ITK: variants seen among roughly 807,000 people sequenced by gnomAD.
The protein encoded by ITK is IL2 inducible T cell kinase.
In ITK, 45 loss-of-function variants were observed where a neutral mutation model predicts 87.6. The ratio of observed to expected loss-of-function variants is 0.51; its 90% CI spans 0.40 to 0.66. The LOEUF (loss-of-function observed/expected upper bound fraction) is 0.66. Among genes scored for constraint, ITK ranks in the 30% least tolerant of loss-of-function variants. ITK has a pLI of 0.00. For synonymous variants in ITK, 303 were observed against 273.6 expected (o/e 1.11, Z -1.06); for missense variants, 605 against 766.3 (o/e 0.79, Z 2.48).
chr5:157,214,363 A>G, intron 4 of ITK, 44 bp downstream of exon 4: 3 of 1,552,394 alleles, frequency 1.9e-6, no homozygotes, highest in Non-Finnish European at 2.7e-6. Context: ...AAATGACCAT[A>G]AAAAAGTAAA....
chr5:157,229,085 A>G (rs531841986), intron 7 of ITK, among the ~76,000 whole-genome samples: 2 of 152,344 alleles, frequency 1.3e-5, no homozygotes, highest in Admixed American at 1.3e-4. Flanking sequence ...TAATAAATAG[A>G]TAGACTGATA....
At chr5:157,208,668 G>A (rs1754127036) in intron 1 of ITK, among the ~76,000 whole-genome samples, 1 of 152,130 alleles carries the variant, frequency 6.6e-6, no homozygotes, top group South Asian at 2.1e-4. Context: ...GTGGAAACCT[G>A]TCACCAAGAA....
At chr5:157,188,517 C>T (rs1399341761) in intron 1 of ITK, among the ~76,000 whole-genome samples, 1 of 152,172 alleles carries the variant, frequency 6.6e-6, no homozygotes, top group Non-Finnish European at 1.5e-5. Flanking sequence ...TAGGGTGAGA[C>T]AAGTGAGACA....
At chr5:157,233,438 T>A (rs1018790630) in intron 8 of ITK, among the ~76,000 whole-genome samples, 1 of 152,228 alleles carries the variant, frequency 6.6e-6, no homozygotes, top group Non-Finnish European at 1.5e-5. Context: ...AACTCTGGTC[T>A]CTCCTTGGCT....
At chr5:157,198,206 C>T (rs1753889783) in intron 1 of ITK, among the ~76,000 whole-genome samples, 1 of 152,056 alleles carries the variant, frequency 6.6e-6, no homozygotes, top group Non-Finnish European at 1.5e-5. Context: ...GGTATCTGCT[C>T]TTCATAGTTT....
chr5:157,244,078 T>C (rs1160630406), intron 12 of ITK, 184 bp from the exon 13 acceptor site: 1 of 694,818 alleles, frequency 1.4e-6, no homozygotes, highest in African/African-American at 1.8e-5. Flanking sequence ...CACAGCTGAC[T>C]CCTTGCCATT....
intron 5 of ITK, among the ~76,000 whole-genome samples, chr5:157,220,066 G>C (rs1022465252): frequency 6.6e-6 from 1 of 152,186 alleles, no homozygotes; most frequent in Non-Finnish European, 1.5e-5. Context: ...TCACCTTCTT[G>C]TTCTGCTGCC....
rs1254827359 is a variant in ITK at position 157,222,885 on chromosome 5, A to G, written c.518A>G (p.Glu173Gly). Reference sequence around the variant, plus strand: ...CAGCGACCACTTTGGGAACCTGAAGAAACTGTGGTCATTGCCTTATATGAC... The same window carrying G: ...CAGCGACCACTTTGGGAACCTGAAGGAACTGTGGTCATTGCCTTATATGAC... ...DNRRPLWEPE[E>G]TVVIALYDYQ... The change falls in exon 6 of 17, where the codon GAA becomes GGA. Residue 173 changes from glutamate (E) to glycine (G), a missense_variant. Physicochemically the swap from Glu to Gly is moderately conservative, Grantham distance 98 (BLOSUM62 -2). This residue lies in a region of ITK where 464 missense variants were observed against 578.0 expected (regional missense o/e 0.80). Coordinates refer to ENST00000422843, the MANE Select transcript of ITK (RefSeq NM_005546.4). 1 of 1,613,990 alleles carries G rather than the reference A, an allele frequency of 6.2e-7. No individual in the cohort carries two copies. The highest frequency in any genetic ancestry group is 2.2e-5 in the East Asian group (1 of 44,854).
intron 1 of ITK, among the ~76,000 whole-genome samples, chr5:157,201,314 T>TTTC (rs1753968866): frequency 6.6e-6 from 1 of 150,442 alleles, no homozygotes; most frequent in African/African-American, 2.4e-5. Flanking sequence ...TTTTTTTTTT[T>TTTC]TTTTATGGAG....
chr5:157,249,963 C>T (rs1755109026), intron 16 of ITK, among the ~76,000 whole-genome samples: 1 of 152,046 alleles, frequency 6.6e-6, no homozygotes, highest in South Asian at 2.1e-4. Flanking sequence ...TATTTTTTAA[C>T]AAAGAGTACA....
chr5:157,184,922 A>T (rs1314303940), intron 1 of ITK, among the ~76,000 whole-genome samples: 1 of 152,180 alleles, frequency 6.6e-6, no homozygotes, highest in Admixed American at 6.6e-5. Context: ...ATTATCATTT[A>T]CATGGAACAA....
At chr5:157,195,367 G>A (rs1383959234) in intron 1 of ITK, 1 of 152,164 alleles carries the variant, frequency 6.6e-6, no homozygotes, top group Non-Finnish European at 1.5e-5. Context: ...TTGCCTCCGT[G>A]CCTGCTGGAC....
chr5:157,199,640 T>G (rs576174255), intron 1 of ITK: 1 of 152,232 alleles, frequency 6.6e-6, no homozygotes, highest in South Asian at 2.1e-4. Flanking sequence ...GGCTCTGGAG[T>G]CATAGAGTGG....
intron 3 of ITK, chr5:157,213,552 C>CTTT: frequency 1.1e-5 from 5 of 435,852 alleles, no homozygotes; most frequent in South Asian, 1.7e-5. Flanking sequence ...TAACTTTTTT[C>CTTT]TTTTTTTTTG....
chr5:157,220,353 G>A (rs1754390313), intron 5 of ITK, among the ~76,000 whole-genome samples: 1 of 152,182 alleles, frequency 6.6e-6, no homozygotes, highest in South Asian at 2.1e-4. Flanking sequence ...TTGGCCCCCT[G>A]CATCCATGGG....
chr5:157,246,462 T>C (rs1755021718), intron 15 of ITK, among the ~76,000 whole-genome samples: 1 of 152,200 alleles, frequency 6.6e-6, no homozygotes, highest in South Asian at 2.1e-4. Context: ...CAGAAAAGAC[T>C]TCTGTTCTTT....
chr5:157,187,625 A>G (rs1753671928), intron 1 of ITK, among the ~76,000 whole-genome samples: 1 of 152,184 alleles, frequency 6.6e-6, no homozygotes, highest in Non-Finnish European at 1.5e-5. Context: ...TCAGATATTC[A>G]GGTGGTTGGA....
rs1375781901 is a variant in ITK at position 157,253,641 on chromosome 5, T to A, written c.*963T>A. 1 of 226,928 alleles carries A rather than the reference T, an allele frequency of 4.4e-6. No homozygotes were observed. The highest frequency in any genetic ancestry group is 8.8e-6 in the Non-Finnish European group (1 of 114,114). 14.1% of individuals were successfully genotyped at this position (226,928 alleles called of 1,614,324 possible). On this transcript the variant is annotated 3_prime_UTR_variant, in exon 17 of 17. Transcript: ENST00000422843. The stretch of plus-strand genomic sequence containing the variant: ...AGCCCCCCCTCTCTGCACTATCCGA[T>A]CCTCATCAACAGAGGGCAGCATTGT...
rs577431641 is a variant in ITK, at chr5:157,253,761, A to G, written c.*1083A>G. On this transcript the variant is annotated 3_prime_UTR_variant, in exon 17 of 17. Transcript: ENST00000422843. Reference sequence around the variant, plus strand: ...GAGACTCCAAGTCTCCTAAAATTCTAGGAGAGAAATAAAGAGTCTGTTTTT... The same window carrying G: ...GAGACTCCAAGTCTCCTAAAATTCTGGGAGAGAAATAAAGAGTCTGTTTTT... 2.2e-4 allele frequency: 47 copies of G among 216,680 alleles called. No homozygotes were observed. In the South Asian group the frequency reaches 8.8e-3, roughly 40 times the overall value. 13.4% of individuals were successfully genotyped at this position (216,680 alleles called of 1,614,324 possible). A position where few individuals can be genotyped will look rare whatever the true frequency, so the allele number is the denominator to read the frequency against.
Sources: gnomAD v4.1 joint callset for allele counts (sites outside exome capture counted in the v4.1 genomes callset) on GRCh38, gnomAD v4.1.1 for gene constraint, gnomAD v4.1.1 regional missense constraint, MANE v1.5 for transcripts, NCBI Gene and HGNC (gene_info 2026-07-23, HGNC 2026-07-21) for gene names.